Variants in SLC22A5 observed in about 807,000 individuals in gnomAD.
SLC22A5 encodes the protein organic cation/carnitine transporter 2.
SLC22A5 carries 44 observed loss-of-function variants against 56.7 expected under a neutral mutation model. The observed-to-expected ratio is 0.78, with a 90% CI of 0.61 to 1.00. SLC22A5 has a LOEUF of 1.00. Among genes scored for constraint, SLC22A5 ranks in the 50% least tolerant of loss-of-function variants. The pLI is 0.00. For missense variants in SLC22A5, 675 were observed against 723.0 expected (o/e 0.93, Z 0.76); for synonymous variants, 278 against 292.1 (o/e 0.95, Z 0.49).
At chr5:132,373,107 T>C (rs1751998592) in intron 1 of SLC22A5, among the ~76,000 whole-genome samples, 1 of 152,242 alleles carries the variant, frequency 6.6e-6, no homozygotes, top group Non-Finnish European at 1.5e-5. Context: ...AGGGAGGTTC[T>C]CAGGAAAATT....
intron 6 of SLC22A5, 173 bp from the exon 7 acceptor site, chr5:132,390,517 A>G (rs1752660559): frequency 2.9e-6 from 2 of 694,606 alleles, no homozygotes; most frequent in South Asian, 3.1e-5. Flanking sequence ...TGGGCTGGGG[A>G]AAATTATCTT....
chr5:132,369,961 T>C lies in SLC22A5; in HGVS notation c.-12T>C. 6.2e-7 allele frequency: 1 copy of C among 1,612,444 alleles called. No homozygotes were observed. Among genetic ancestry groups the C allele is most frequent in the Non-Finnish European group, 8.5e-7 (1 of 1,179,520 alleles). On this transcript the variant is annotated 5_prime_UTR_variant, in exon 1 of 10. Transcript: ENST00000245407. ...GACCCCAGGCCGCGCTCTGTGGGCC[T>C]CTGAGGGCGGCATGCGGGACTACGA...
At chr5:132,371,371 G>C (rs1238034700) in intron 1 of SLC22A5, among the ~76,000 whole-genome samples, 2 of 152,204 alleles carry the variant, frequency 1.3e-5, no homozygotes, top group African/African-American at 4.8e-5. Flanking sequence ...GCCAGATTTA[G>C]TTAAAGCATA....
chr5:132,385,297 CT>C (rs781005586), intron 3 of SLC22A5, 30 bp from the exon 4 acceptor site: 2 of 1,605,534 alleles, frequency 1.2e-6, no homozygotes, highest in Admixed American at 3.3e-5. Flanking sequence ...CCAAATTAAA[CT>C]GCTAACTCGA....
intron 6 of SLC22A5, chr5:132,390,485 G>A (rs1189556225): frequency 9.4e-6 from 6 of 640,318 alleles, no homozygotes; most frequent in East Asian, 2.8e-5. Context: ...GCGCACTGGC[G>A]CAGGGTTTAC....
At chr5:132,372,567 T>G (rs1335917905) in intron 1 of SLC22A5, among the ~76,000 whole-genome samples, 1 of 152,230 alleles carries the variant, frequency 6.6e-6, no homozygotes, top group Non-Finnish European at 1.5e-5. Flanking sequence ...TTGCTGCCAA[T>G]GTCAGCCTTT....
chr5:132,391,484 GC>G (rs1387198620), intron 7 of SLC22A5, among the ~76,000 whole-genome samples: 2 of 152,200 alleles, frequency 1.3e-5, no homozygotes. Context: ...TGAACAGGGG[GC>G]AGTTCAGTAG....
intron 6 of SLC22A5, 89 bp downstream of exon 6, chr5:132,389,110 A>G: frequency 1.2e-6 from 1 of 816,406 alleles, no homozygotes; most frequent in Non-Finnish European, 2.2e-6. Context: ...CCTCAGACAA[A>G]ATTCAAAGCC....
At chr5:132,375,944 G>C (rs990914509) in intron 1 of SLC22A5, 11 of 152,222 alleles carry the variant, frequency 7.2e-5, no homozygotes, top group Non-Finnish European at 8.8e-5. Context: ...CCAGGCGGAG[G>C]CATCAATAAG....
At chr5:132,386,234 T>G (rs1752523342) in intron 4 of SLC22A5, among the ~76,000 whole-genome samples, 1 of 151,944 alleles carries the variant, frequency 6.6e-6, no homozygotes, top group Non-Finnish European at 1.5e-5. Context: ...TTTCTTTTTT[T>G]TTCTTTTTTT....
rs774820478 is a variant in SLC22A5, at chr5:132,393,779, A to C, written c.1554A>C (p.Pro518=). 1 of 1,614,142 alleles carries C rather than the reference A, an allele frequency of 6.2e-7. No homozygotes were observed. Among genetic ancestry groups the C allele is most frequent in the South Asian group, 1.1e-5 (1 of 91,080 alleles). Residue 518 remains proline, a synonymous_variant, in exon 9 of 10, where the codon CCA becomes CCC. Coordinates refer to ENST00000245407, the MANE Select transcript of SLC22A5 (RefSeq NM_003060.4). ...CAGAGAGCTTCGGTACCCCACTCCC[A>C]GACACCATTGACCAGATGCTAAGAG... ...FLPESFGTPL[P]DTIDQMLRVK... is the part of the protein sequence containing the mutation.
intron 1 of SLC22A5, 69 bp from the exon 2 acceptor site, chr5:132,378,309 C>G (rs1350022805): frequency 6.2e-7 from 1 of 1,611,960 alleles, no homozygotes; most frequent in African/African-American, 1.3e-5. Context: ...ACTTCATTTT[C>G]CAGGATGCCT....
intron 2 of SLC22A5, chr5:132,378,734 T>C (rs896054094): frequency 2.0e-5 from 10 of 501,350 alleles, no homozygotes; most frequent in Non-Finnish European, 3.6e-5. Context: ...GACTAGGTAA[T>C]ATGCCATGAT....
chr5:132,378,788 A>G, intron 2 of SLC22A5: 1 of 405,496 alleles, frequency 2.5e-6, no homozygotes, highest in South Asian at 2.2e-5. Context: ...GGTCACTGTG[A>G]CTCTGTCATG....
chr5:132,370,357 G>T lies in SLC22A5; in HGVS notation c.385G>T (p.Val129Leu). 6.2e-7 allele frequency: 1 copy of T among 1,612,144 alleles called. No individual in the cohort carries two copies. Among genetic ancestry groups the T allele is most frequent in the Non-Finnish European group, 8.5e-7 (1 of 1,179,722 alleles). ...TCAGGACGTCTACCTGTCCACCATT[G>T]TGACCGAGGTGGGTGCCGGCCCCTG... ...FSQDVYLSTI[V>L]TEWNLVCEDD... Residue 129 changes from valine (V) to leucine (L), a missense_variant, in exon 1 of 10, where the codon GTG (valine) becomes TTG (leucine). Physicochemically the swap from Val to Leu is conservative, Grantham distance 32. Coordinates refer to ENST00000245407, the MANE Select transcript of SLC22A5 (RefSeq NM_003060.4).
chr5:132,390,115 G>GTA, intron 6 of SLC22A5: 1 of 185,502 alleles, frequency 5.4e-6, no homozygotes, highest in Non-Finnish European at 1.1e-5. Context: ...GAGGCAGTGT[G>GTA]GCCCCTCCAT....
At chr5:132,387,213 C>T (rs1375102495) in intron 5 of SLC22A5, 62 bp downstream of exon 5, 3 of 1,604,208 alleles carry the variant, frequency 1.9e-6, no homozygotes, top group East Asian at 2.2e-5. Flanking sequence ...AGCAGCAGCA[C>T]CCAGCCCTGA....
At chr5:132,377,034 G>T (rs575222743) in intron 1 of SLC22A5, 3 of 152,474 alleles carry the variant, frequency 2.0e-5, no homozygotes, top group Non-Finnish European at 4.4e-5. Context: ...CCTGATTAGG[G>T]GTTGGATGCT....
chr5:132,389,256 C>T (rs1316947183), intron 6 of SLC22A5: 2 of 516,064 alleles, frequency 3.9e-6, no homozygotes, highest in Non-Finnish European at 7.0e-6. Context: ...AATATGGACT[C>T]TTGTGGGGAA....
Sources: gnomAD v4.1 joint callset for allele counts (sites outside exome capture counted in the v4.1 genomes callset) on GRCh38, gnomAD v4.1.1 for gene constraint, MANE v1.5 for transcripts, NCBI Gene and HGNC (gene_info 2026-07-23, HGNC 2026-07-21) for gene names.